Variants in CHD6 observed in about 807,000 individuals in gnomAD.
CHD6 encodes ATP-dependent chromatin remodeler CHD6.
A neutral mutation model predicts 276.9 loss-of-function variants in CHD6; 50 were observed. That is an observed-to-expected ratio of 0.18 (90% confidence interval 0.14 to 0.23). The LOEUF (loss-of-function observed/expected upper bound fraction) is 0.23. CHD6 is among the 10% of genes least tolerant of loss of function. The pLI, the probability that CHD6 is intolerant of heterozygous loss-of-function variation, is 1.00. For synonymous variants in CHD6, 1,173 were observed against 1,229.3 expected, an observed-to-expected ratio of 0.95 and a Z score of 0.96; for missense variants, 2,564 against 3,365.8, an observed-to-expected ratio of 0.76 and a Z score of 5.89.
intron 17 of CHD6, among the ~76,000 whole-genome samples, chr20:41,466,373 T>C (rs964139736): frequency 6.6e-6 from 1 of 152,198 alleles, no homozygotes; most frequent in Non-Finnish European, 1.5e-5. Flanking sequence ...ATCCAGGGTA[T>C]AGCAGGATAT....
chr20:41,520,842 C>T (rs2146004142), intron 3 of CHD6, among the ~76,000 whole-genome samples: 1 of 151,964 alleles, frequency 6.6e-6, no homozygotes, highest in East Asian at 1.9e-4. Flanking sequence ...AAAAATTCTA[C>T]AAACTGATAG....
rs971071779 is a variant in CHD6, at chr20:41,415,343, T to G, written c.6782A>C (p.Gln2261Pro). ...AGTCACAGGATGGATCAGGCCAGCT[T>G]GCAGAATCCCAGACAAGTCCATGCC... Reference protein sequence around the residue: ...ALGMDLSGILQAGLIHPVTGQ... With the variant: ...ALGMDLSGILPAGLIHPVTGQ... Residue 2261 changes from glutamine (Q) to proline (P), a missense_variant, in exon 34 of 37, where the codon CAA becomes CCA. Physicochemically the swap from Gln to Pro is moderately conservative, Grantham distance 76. This residue lies in a region of CHD6 where 1,024 missense variants were observed against 1,047.9 expected (regional missense o/e 0.98). Coordinates refer to ENST00000373233, the MANE Select transcript of CHD6 (RefSeq NM_032221.5). 27 of 1,614,032 alleles carry G rather than the reference T, an allele frequency of 1.7e-5. No homozygotes were observed. Among genetic ancestry groups the G allele is most frequent in the Non-Finnish European group, 2.3e-5 (27 of 1,180,020 alleles).
intron 27 of CHD6, among the ~76,000 whole-genome samples, chr20:41,430,365 T>C (rs1338045108): frequency 3.9e-5 from 6 of 152,272 alleles, no homozygotes; most frequent in East Asian, 1.9e-4. Context: ...GTTATTTTTA[T>C]TGATTCTGCC....
Position 41,420,583 on chromosome 20 carries a change from T to C in CHD6, c.6052A>G (p.Ser2018Gly). ...NVFPTYPLEG[S>G]ELKSEDMDFE... is the part of the protein sequence containing the mutation. ...TCCATGTCTTCTGATTTGAGCTCAC[T>C]TCCTTCAAGAGGATATGTGGGGAAA... The change falls in exon 31 of 37, where the codon AGT becomes GGT. Residue 2018 changes from serine (S) to glycine (G), a missense_variant. By Grantham distance (56) the Ser-to-Gly change is moderately conservative (BLOSUM62 0). Around this residue, in one of 7 missense-constraint regions of CHD6, gnomAD observed 1,024 missense variants for 1,047.9 expected, o/e 0.98. Transcript: ENST00000373233. 1.2e-6 allele frequency: 2 copies of C among 1,614,150 alleles called. No individual in the cohort carries two copies. The highest frequency in any genetic ancestry group is 1.7e-6 in the Non-Finnish European group (2 of 1,179,978).
chr20:41,601,351 C>T (rs955073293), intron 1 of CHD6, among the ~76,000 whole-genome samples: 1 of 152,206 alleles, frequency 6.6e-6, no homozygotes, highest in Admixed American at 6.5e-5. Flanking sequence ...ACATGCCTTA[C>T]AATTTATATG....
At chr20:41,617,588 G>C (rs772608702) in intron 1 of CHD6, among the ~76,000 whole-genome samples, 9 of 152,178 alleles carry the variant, frequency 5.9e-5, no homozygotes, top group Non-Finnish European at 1.0e-4. Flanking sequence ...TCTCAACAGC[G>C]AGGAAAATAA....
At chr20:41,469,411 G>A (rs1268878807) in intron 17 of CHD6, among the ~76,000 whole-genome samples, 1 of 152,276 alleles carries the variant, frequency 6.6e-6, no homozygotes, top group East Asian at 1.9e-4. Context: ...GAAGAGGAAG[G>A]TTTGTGGTCT....
At chr20:41,429,192 T>C (rs2047456918) in intron 27 of CHD6, among the ~76,000 whole-genome samples, 2 of 152,228 alleles carry the variant, frequency 1.3e-5, no homozygotes, top group South Asian at 4.1e-4. Flanking sequence ...CTGTTACTTA[T>C]TGCTATTTCT....
At chr20:41,497,854 G>T in intron 7 of CHD6, 1 of 435,928 alleles carries the variant, frequency 2.3e-6, no homozygotes, top group Non-Finnish European at 4.2e-6. Flanking sequence ...CAGGAGAGTG[G>T]TTCTCTACCC....
chr20:41,432,891 A>G (rs1347053822), intron 27 of CHD6, among the ~76,000 whole-genome samples: 1 of 152,250 alleles, frequency 6.6e-6, no homozygotes, highest in African/African-American at 2.4e-5. Context: ...GCAAAGAAAC[A>G]AAGATCCAAA....
chr20:41,423,445 A>G lies in CHD6; in HGVS notation c.4555+47T>C, dbSNP rs769124594. On this transcript the variant is annotated intron_variant, in intron 30 of 36. Coordinates refer to ENST00000373233, the MANE Select transcript of CHD6 (RefSeq NM_032221.5). The stretch of plus-strand genomic sequence containing the variant: ...GTAATTCTGCAATTTGAAAATCAGA[A>G]TGTTCTTTCCTTGTATCATCTGACA... 1.9e-6 allele frequency: 3 copies of G among 1,556,940 alleles called. No individual in the cohort carries two copies. The South Asian group carries it at 3.3e-5, about 17-fold the overall frequency.
At chr20:41,476,925 G>A (rs935516508) in intron 16 of CHD6, among the ~76,000 whole-genome samples, 11 of 151,976 alleles carry the variant, frequency 7.2e-5, no homozygotes, top group Non-Finnish European at 1.2e-4. Context: ...TCTGGAGTTA[G>A]GGGCTGGAGC....
Position 41,473,074 on chromosome 20 carries a change from C to T in CHD6, c.2664+248G>A. On this transcript the variant is annotated intron_variant, in intron 17 of 36. Transcript: ENST00000373233. The surrounding 1 kb of genome is among the most constrained non-coding windows in gnomAD (Gnocchi z 4.1). ...AATAATAATAATTAGTAGTTCTAGT[C>T]TATATCTGGAGGCTACCACTGTGAA... 1 of 442,630 alleles carries T rather than the reference C, an allele frequency of 2.3e-6. No homozygotes were observed. Among genetic ancestry groups the T allele is most frequent in the Non-Finnish European group, 4.0e-6 (1 of 249,176 alleles). The allele number at this position is 442,630 out of a possible 1,614,324, so 27.4% of individuals were successfully genotyped here. A position where few individuals can be genotyped will look rare whatever the true frequency, so the allele number is the denominator to read the frequency against.
chr20:41,424,108 G>A (rs545829237), intron 29 of CHD6, among the ~76,000 whole-genome samples: 1 of 152,238 alleles, frequency 6.6e-6, no homozygotes, highest in East Asian at 1.9e-4. Flanking sequence ...TATAGAAGCA[G>A]AGAATCCTGA....
At chr20:41,459,155 C>G (rs2048466406) in intron 17 of CHD6, among the ~76,000 whole-genome samples, 1 of 152,140 alleles carries the variant, frequency 6.6e-6, no homozygotes, top group South Asian at 2.1e-4. Flanking sequence ...GCCAGAATCC[C>G]TGGATATGGA....
intron 6 of CHD6, among the ~76,000 whole-genome samples, chr20:41,498,542 C>T (rs1449431198): frequency 5.9e-5 from 9 of 152,174 alleles, no homozygotes; most frequent in African/African-American, 2.2e-4. Context: ...GAAGTGACTA[C>T]ATTCATCTCT....
At chr20:41,480,159 CAAG>C (rs1421471418) in intron 16 of CHD6, among the ~76,000 whole-genome samples, 1 of 152,126 alleles carries the variant, frequency 6.6e-6, no homozygotes, top group African/African-American at 2.4e-5. Flanking sequence ...AATCCACCAA[CAAG>C]AAGATCTGAT....
chr20:41,533,166 C>T lies in CHD6; in HGVS notation c.438G>A (p.Lys146=), dbSNP rs757118330. 1.2e-6 allele frequency: 2 copies of T among 1,613,988 alleles called. No homozygotes were observed. Among genetic ancestry groups the T allele is most frequent in the African/African-American group, 2.7e-5 (2 of 74,938 alleles). Residue 146 remains lysine, a synonymous_variant, in exon 3 of 37, where the codon AAG becomes AAA. Coordinates refer to ENST00000373233, the MANE Select transcript of CHD6 (RefSeq NM_032221.5). The stretch of plus-strand genomic sequence containing the variant: ...GTGCCTTCTTTGCCCCATCTTTTTG[C>T]TTCGGCTCCTTGTGCTCCTTGGCCT... ...PKKAKEHKEP[K]QKDGAKKARK... is the part of the protein sequence containing the mutation.
At chr20:41,490,687 C>T (rs927088257) in intron 11 of CHD6, among the ~76,000 whole-genome samples, 2 of 152,050 alleles carry the variant, frequency 1.3e-5, no homozygotes, top group African/African-American at 4.8e-5. Context: ...GTGGCAAGTG[C>T]CTGTAATCCC....
Sources: allele counts gnomAD v4.1 joint callset (sites outside exome capture counted in the v4.1 genomes callset), GRCh38; gene constraint gnomAD v4.1.1; regional missense constraint gnomAD v4.1.1; non-coding constraint Gnocchi (gnomAD v3.1); transcripts MANE v1.5; gene names NCBI Gene and HGNC (gene_info 2026-07-23, HGNC 2026-07-21).